The following NARS2 variants were observed in gnomAD, a reference collection of about 807,000 sequenced individuals.
The protein encoded by NARS2 is asparaginyl-tRNA synthetase.
NARS2 carries 60 observed loss-of-function variants against 62.9 expected under a neutral mutation model. The ratio of observed to expected loss-of-function variants is 0.95; its 90% CI spans 0.77 to 1.18. NARS2 has a LOEUF of 1.18. NARS2 is among the 50% of genes most tolerant of loss of function. NARS2 has a pLI of 0.00. For synonymous variants in NARS2, 196 were observed against 200.0 expected, an observed-to-expected ratio of 0.98 and a Z score of 0.17; for missense variants, 619 against 576.4, an observed-to-expected ratio of 1.07 and a Z score of -0.76.
At chr11:78,504,852 A>C (rs10793318) in intron 6 of NARS2, among the ~76,000 whole-genome samples, 107,368 of 151,712 alleles carry the variant, frequency 0.71, 39,143 homozygotes, top group Non-Finnish European at 0.81. Flanking sequence ...CCAGGAAAAA[A>C]CCATTTTATG....
intron 11 of NARS2, among the ~76,000 whole-genome samples, chr11:78,455,181 G>T (rs562723611): frequency 6.6e-6 from 1 of 152,002 alleles, no homozygotes; most frequent in African/African-American, 2.4e-5. Flanking sequence ...TTTTTTACTG[G>T]ATAAAGCCCA....
intron 7 of NARS2, among the ~76,000 whole-genome samples, chr11:78,480,705 G>GGAAAAAA (rs991554320): frequency 6.6e-6 from 1 of 151,366 alleles, no homozygotes; most frequent in African/African-American, 2.4e-5. Flanking sequence ...GGGGGGGGTG[G>GGAAAAAA]GAAAAAAGAA....
chr11:78,540,073 T>G (rs778942378), intron 5 of NARS2, among the ~76,000 whole-genome samples: 6 of 152,200 alleles, frequency 3.9e-5, no homozygotes, highest in Non-Finnish European at 8.8e-5. Context: ...CTTACGTTAG[T>G]GCAATAAAAC....
chr11:78,500,863 CG>C (rs1860254868), intron 6 of NARS2, among the ~76,000 whole-genome samples: 2 of 152,106 alleles, frequency 1.3e-5, no homozygotes, highest in Admixed American at 6.5e-5. Flanking sequence ...AAGGCCGAGG[CG>C]GGTGGATCTT....
intron 9 of NARS2, among the ~76,000 whole-genome samples, chr11:78,474,984 T>C (rs1026959940): frequency 2.0e-5 from 3 of 152,192 alleles, no homozygotes; most frequent in Non-Finnish European, 4.4e-5. Flanking sequence ...CAATTAATTA[T>C]GGTCACTTTG....
intron 6 of NARS2, among the ~76,000 whole-genome samples, chr11:78,507,422 A>G (rs1488453305): frequency 3.3e-5 from 5 of 152,132 alleles, no homozygotes. Flanking sequence ...GAAGTCCAAA[A>G]GAATAAATAA....
At chr11:78,571,206 A>C in intron 2 of NARS2, 129 bp downstream of exon 2, 3 of 610,648 alleles carry the variant, frequency 4.9e-6, no homozygotes, top group Non-Finnish European at 6.0e-6. Flanking sequence ...GTTGATCCTC[A>C]AAGCTATTAA....
chr11:78,536,666 T>C (rs1283879802), intron 5 of NARS2, among the ~76,000 whole-genome samples: 2 of 152,142 alleles, frequency 1.3e-5, no homozygotes, highest in Non-Finnish European at 2.9e-5. Context: ...ATTAAGTTTA[T>C]AAAGTAAAAA....
At chr11:78,458,753 G>C (rs971771026) in intron 11 of NARS2, among the ~76,000 whole-genome samples, 2 of 152,186 alleles carry the variant, frequency 1.3e-5, no homozygotes, top group Non-Finnish European at 2.9e-5. Context: ...GAATGAAAAA[G>C]AAGTTGATAT....
intron 6 of NARS2, among the ~76,000 whole-genome samples, chr11:78,515,106 G>C (rs1274375814): frequency 6.6e-6 from 1 of 152,228 alleles, no homozygotes; most frequent in African/African-American, 2.4e-5. Context: ...TCTGGAATAT[G>C]AAGTATGCTG....
chr11:78,549,924 A>G (rs1167088991), intron 5 of NARS2, among the ~76,000 whole-genome samples: 1 of 152,172 alleles, frequency 6.6e-6, no homozygotes, highest in Non-Finnish European at 1.5e-5. Flanking sequence ...CCAACAACAA[A>G]AAGACAACCC....
At chr11:78,469,144 A>G (rs773530027) in intron 10 of NARS2, 103 bp downstream of exon 10, 3 of 775,606 alleles carry the variant, frequency 3.9e-6, no homozygotes, top group Non-Finnish European at 6.6e-6. Context: ...TATTTTGCTA[A>G]TAAGAGAATT....
rs193173401 is a variant in NARS2, at chr11:78,462,986, A to T, written c.1164+2890T>A. ...GTCTCATAGACTTTTACAACTAATA[A>T]TATTACATATATAACTATTCAATAA... On this transcript the variant is annotated intron_variant, in intron 11 of 13. Coordinates refer to ENST00000281038, the MANE Select transcript of NARS2 (RefSeq NM_024678.6). 7.9e-4 allele frequency among the ~76,000 whole-genome samples: 120 copies of T among 152,356 alleles called. No homozygotes were observed. The South Asian group carries it at 0.013, about 16-fold the overall frequency.
intron 2 of NARS2, among the ~76,000 whole-genome samples, chr11:78,571,020 G>A (rs190501001): frequency 2.0e-4 from 30 of 152,262 alleles, no homozygotes; most frequent in African/African-American, 6.0e-4. Flanking sequence ...AGGCTGTATT[G>A]GGCAGAGGCA....
chr11:78,543,908 G>A lies in NARS2; in HGVS notation c.595-14972C>T, dbSNP rs181850670. Among the ~76,000 whole-genome samples, 1,176 of 149,270 alleles carry A rather than the reference G, an allele frequency of 7.9e-3. 9 individuals are homozygous for A. Among genetic ancestry groups the A allele is most frequent in the Non-Finnish European group, 0.013 (867 of 67,478 alleles). Reference sequence around the variant, plus strand: ...TAGCTGGGCGTGGTGGCGCGCACCTGTAGTCCCAGCTACTCGGGAGGCTGA... The same window carrying A: ...TAGCTGGGCGTGGTGGCGCGCACCTATAGTCCCAGCTACTCGGGAGGCTGA... On this transcript the variant is annotated intron_variant, in intron 5 of 13. Transcript: ENST00000281038.
At chr11:78,536,085 G>A (rs1184843926) in intron 5 of NARS2, among the ~76,000 whole-genome samples, 4 of 152,136 alleles carry the variant, frequency 2.6e-5, no homozygotes, top group Non-Finnish European at 1.5e-5. Context: ...ATGGACTGTA[G>A]ATATGACGCA....
chr11:78,445,496 C>G (rs1478790563), intron 11 of NARS2, among the ~76,000 whole-genome samples: 2 of 152,148 alleles, frequency 1.3e-5, no homozygotes, highest in Non-Finnish European at 2.9e-5. Flanking sequence ...TGGCGCATGC[C>G]TGTAGTCCCA....
At chr11:78,519,086 G>A (rs528723661) in intron 6 of NARS2, among the ~76,000 whole-genome samples, 1 of 152,096 alleles carries the variant, frequency 6.6e-6, no homozygotes, top group South Asian at 2.1e-4. Context: ...AGGGAATGAA[G>A]AATGAGAAAG....
At position 78,436,791 on chromosome 11, in the gene NARS2, C is replaced by A; in HGVS notation, c.1313G>T (p.Gly438Val). ...CCCAAAACCTCCATGTGGCACAGATCCAAATCGACGAAGGTCCAGATACCT... is the reference window on the plus strand; with the variant it reads ...CCCAAAACCTCCATGTGGCACAGATACAAATCGACGAAGGTCCAGATACCT... ...YQWYLDLRRF[G>V]SVPHGGFGMG... Residue 438 changes from glycine (G) to valine (V), a missense_variant, in exon 14 of 14, where the codon GGA becomes GTA. Gly to Val is a moderately radical substitution (Grantham distance 109). Coordinates refer to ENST00000281038, the MANE Select transcript of NARS2 (RefSeq NM_024678.6). 1 of 1,613,974 alleles carries A rather than the reference C, an allele frequency of 6.2e-7. No individual in the cohort carries two copies. Among genetic ancestry groups the A allele is most frequent in the Non-Finnish European group, 8.5e-7 (1 of 1,179,900 alleles).
Sources: gnomAD v4.1 joint callset for allele counts (sites outside exome capture counted in the v4.1 genomes callset) on GRCh38, gnomAD v4.1.1 for gene constraint, MANE v1.5 for transcripts, NCBI Gene and HGNC (gene_info 2026-07-23, HGNC 2026-07-21) for gene names.